The following FRMD4A variants were observed in gnomAD, a reference collection of about 807,000 sequenced individuals.
The protein encoded by FRMD4A is FERM domain-containing protein 4A.
FRMD4A carries 29 observed loss-of-function variants against 129.1 expected under a neutral mutation model. That is an observed-to-expected ratio of 0.22 (90% CI 0.17 to 0.31). FRMD4A has a LOEUF of 0.31. Ranked by LOEUF, FRMD4A falls within the 10% of genes least tolerant of loss-of-function variation. The pLI is 1.00. For missense variants in FRMD4A, 1,272 were observed against 1,375.8 expected (o/e 0.92, Z 1.19); for synonymous variants, 634 against 571.6 (o/e 1.11, Z -1.56).
At chr10:14,076,733 CTTT>C (rs1411563677) in intron 2 of FRMD4A, among the ~76,000 whole-genome samples, 1 of 152,124 alleles carries the variant, frequency 6.6e-6, no homozygotes, top group Non-Finnish European at 1.5e-5. Flanking sequence ...AGGCATTTCC[CTTT>C]TTCTACACTT....
intron 3 of FRMD4A, among the ~76,000 whole-genome samples, chr10:13,819,075 C>T (rs573826920): frequency 6.6e-6 from 1 of 152,208 alleles, no homozygotes; most frequent in African/African-American, 2.4e-5. Flanking sequence ...TTGCAGTGAG[C>T]CGAGATCGCA....
chr10:14,265,509 A>G (rs1159695384), intron 2 of FRMD4A, among the ~76,000 whole-genome samples: 3 of 152,224 alleles, frequency 2.0e-5, no homozygotes, highest in African/African-American at 4.8e-5. Context: ...AATCATATGA[A>G]TTTTGAAACA....
At chr10:13,966,871 A>G (rs192463385) in intron 2 of FRMD4A, among the ~76,000 whole-genome samples, 2 of 152,376 alleles carry the variant, frequency 1.3e-5, no homozygotes, top group East Asian at 3.9e-4. Context: ...TGGTATATAC[A>G]TAGGATGGAA....
intron 2 of FRMD4A, among the ~76,000 whole-genome samples, chr10:14,041,264 T>A (rs995469326): frequency 6.6e-5 from 10 of 152,242 alleles, no homozygotes; most frequent in Admixed American, 6.5e-4. Context: ...TCTTCTGAGC[T>A]GCTTTTAAGG....
At chr10:14,014,284 T>C (rs180811584) in intron 2 of FRMD4A, among the ~76,000 whole-genome samples, 29 of 152,244 alleles carry the variant, frequency 1.9e-4, no homozygotes, top group Admixed American at 5.9e-4. Flanking sequence ...AACATATTCT[T>C]CCTAATACCC....
intron 2 of FRMD4A, among the ~76,000 whole-genome samples, chr10:14,078,762 C>T (rs557493274): frequency 4.6e-5 from 7 of 152,336 alleles, no homozygotes; most frequent in African/African-American, 1.7e-4. Flanking sequence ...ACTCAGGTCT[C>T]CTGGCTCCAA....
intron 2 of FRMD4A, 81 bp downstream of exon 2, chr10:14,329,977 T>A: frequency 7.6e-7 from 1 of 1,316,762 alleles, no homozygotes; most frequent in African/African-American, 1.5e-5. Context: ...CTGCAGCCAC[T>A]GCAGCGGCAG....
At chr10:14,327,468 T>C (rs1328173175) in intron 2 of FRMD4A, among the ~76,000 whole-genome samples, 7 of 152,218 alleles carry the variant, frequency 4.6e-5, no homozygotes, top group Non-Finnish European at 1.0e-4. Context: ...GCACTCTCAG[T>C]TAGCAAATGG....
chr10:13,754,550 G>A (rs988682503), intron 8 of FRMD4A, among the ~76,000 whole-genome samples: 5 of 144,478 alleles, frequency 3.5e-5, no homozygotes, highest in East Asian at 2.1e-4. Flanking sequence ...ATGGGAAAAC[G>A]CCACACACAA....
chr10:13,760,495 G>T (rs1257017351), intron 8 of FRMD4A, among the ~76,000 whole-genome samples: 1 of 151,810 alleles, frequency 6.6e-6, no homozygotes, highest in African/African-American at 2.4e-5. Flanking sequence ...CTCCAGCCTG[G>T]GTAACAGAAG....
rs137907054 is a variant in FRMD4A at position 14,239,674 on chromosome 10, A to C, written c.45+90384T>G. On this transcript the variant is annotated intron_variant, in intron 2 of 24. Transcript: ENST00000357447. ...AAACAAAAAAAAACTGGCAAAAGCC[A>C]GGTGGGGTAGGCAGGTTTCTACTGA... Among the ~76,000 whole-genome samples, 8 of 152,224 alleles carry C rather than the reference A, an allele frequency of 5.3e-5. No individual in the cohort carries two copies. The East Asian group carries it at 1.5e-3, about 29-fold the overall frequency.
At chr10:13,873,036 C>T (rs578091412) in intron 2 of FRMD4A, among the ~76,000 whole-genome samples, 1 of 151,838 alleles carries the variant, frequency 6.6e-6, no homozygotes, top group African/African-American at 2.4e-5. Context: ...ATTAGCCGGG[C>T]ATGGTGGTGA....
chr10:14,256,938 T>C (rs761158070), intron 2 of FRMD4A, among the ~76,000 whole-genome samples: 1 of 152,118 alleles, frequency 6.6e-6, no homozygotes, highest in Non-Finnish European at 1.5e-5. Context: ...AAATAAATAC[T>C]AGGCAGTAGG....
At chr10:14,011,318 G>C (rs1448964129) in intron 2 of FRMD4A, among the ~76,000 whole-genome samples, 1 of 152,202 alleles carries the variant, frequency 6.6e-6, no homozygotes, top group Non-Finnish European at 1.5e-5. Flanking sequence ...GTTGGGCACA[G>C]GGGACGGAGG....
chr10:14,289,950 T>C (rs1845800031), intron 2 of FRMD4A, among the ~76,000 whole-genome samples: 1 of 152,040 alleles, frequency 6.6e-6, no homozygotes, highest in South Asian at 2.1e-4. Flanking sequence ...CAGTTTTTTC[T>C]ATACATTAAT....
chr10:14,054,993 A>AG (rs1171209712), intron 2 of FRMD4A, among the ~76,000 whole-genome samples: 1 of 152,278 alleles, frequency 6.6e-6, no homozygotes, highest in East Asian at 1.9e-4. Context: ...ACCCAGTCTC[A>AG]GGTATGTCCT....
At chr10:13,647,469 T>A (rs1352311694) in intron 24 of FRMD4A, 1 of 152,128 alleles carries the variant, frequency 6.6e-6, no homozygotes, top group South Asian at 2.1e-4. Context: ...AGGGGACTTT[T>A]CCCACACGAC....
At chr10:13,650,533 C>T (rs2081485840) in intron 24 of FRMD4A, among the ~76,000 whole-genome samples, 1 of 152,196 alleles carries the variant, frequency 6.6e-6, no homozygotes, top group Non-Finnish European at 1.5e-5. Context: ...ATCTCCATCA[C>T]CTTTAGCAGA....
At chr10:13,707,478 C>T in intron 12 of FRMD4A, 1 of 1,016,816 alleles carries the variant, frequency 9.8e-7, no homozygotes, top group Middle Eastern at 5.0e-4. Context: ...GGAGAGGGAC[C>T]CAGCAGGGAA....
Sources: gnomAD v4.1 joint callset for allele counts (sites outside exome capture counted in the v4.1 genomes callset) on GRCh38, gnomAD v4.1.1 for gene constraint, MANE v1.5 for transcripts, NCBI Gene and HGNC (gene_info 2026-07-23, HGNC 2026-07-21) for gene names.